DHX34: variants seen among roughly 807,000 people sequenced by gnomAD.
DHX34 encodes the protein DExH-box helicase 34, also known as probable ATP-dependent RNA helicase DHX34.
Under a neutral mutation model 111.1 loss-of-function variants are expected in DHX34, and 96 were observed. That is an observed-to-expected ratio of 0.86 (90% CI 0.73 to 1.02). The LOEUF (loss-of-function observed/expected upper bound fraction) is 1.02. DHX34 is among the 50% of genes least tolerant of loss of function. The probability of loss-of-function intolerance (pLI) is 0.00; values close to 1 mark genes in which losing one functional copy is unlikely to be tolerated. For missense variants in DHX34, 1,560 were observed against 1,579.9 expected, an observed-to-expected ratio of 0.99 and a Z score of 0.21; for synonymous variants, 688 against 670.4, an observed-to-expected ratio of 1.03 and a Z score of -0.41.
At chr19:47,360,158 C>T (rs1266417643) in intron 5 of DHX34, 88 bp downstream of exon 5, 8 of 1,273,670 alleles carry the variant, frequency 6.3e-6, no homozygotes, top group Non-Finnish European at 8.0e-6. Flanking sequence ...AGGGGCGCAC[C>T]AGCTTGGATT....
intron 7 of DHX34, among the ~76,000 whole-genome samples, chr19:47,371,509 G>A (rs1267561976): frequency 2.0e-5 from 3 of 152,232 alleles, no homozygotes; most frequent in Non-Finnish European, 4.4e-5. Context: ...TGGTGACAGA[G>A]CTGGGGTGTC....
In DHX34 at chr19:47,382,003, A is replaced by G; in HGVS notation, c.3322A>G (p.Thr1108Ala). The part of the protein sequence containing the change: ...PPGAEEAALE[T>A]LQKTSVLQRP... Reference sequence around the variant, plus strand: ...AGGGGCTGAGGAAGCTGCCCTCGAAACCCTCCAGAAGACATCTGTCCTGCA... The same window carrying G: ...AGGGGCTGAGGAAGCTGCCCTCGAAGCCCTCCAGAAGACATCTGTCCTGCA... Residue 1108 changes from threonine (T) to alanine (A), a missense_variant, in exon 17 of 17, where the codon ACC (threonine) becomes GCC (alanine). By Grantham distance (58) the Thr-to-Ala change is moderately conservative. Transcript: ENST00000328771. 6.2e-7 allele frequency: 1 copy of G among 1,613,744 alleles called. No individual in the cohort carries two copies. The highest frequency in any genetic ancestry group is 8.5e-7 in the Non-Finnish European group (1 of 1,179,920).
intron 1 of DHX34, among the ~76,000 whole-genome samples, chr19:47,351,080 T>C (rs945712804): frequency 3.3e-5 from 5 of 151,150 alleles, no homozygotes; most frequent in Non-Finnish European, 7.4e-5. Flanking sequence ...CCAAAAAAGA[T>C]AGATACCTTG....
intron 12 of DHX34, 81 bp downstream of exon 12, chr19:47,376,641 T>C: frequency 6.6e-7 from 1 of 1,509,462 alleles, no homozygotes; most frequent in East Asian, 2.5e-5. Flanking sequence ...CCCCTCTGGC[T>C]GGGGCTCCCA....
intron 8 of DHX34, 99 bp from the exon 9 acceptor site, chr19:47,373,500 C>T: frequency 1.3e-6 from 2 of 1,502,556 alleles, no homozygotes; most frequent in African/African-American, 1.4e-5. Context: ...AGCAGGTGTC[C>T]CTGAGGGATG....
rs188151824 is a variant in DHX34, at chr19:47,381,440, C to T, written c.3298+116C>T. The T allele has an allele frequency of 6.4e-6, 9 of 1,416,788 alleles. No individual in the cohort carries two copies. The Admixed American group carries it at 7.5e-5, about 12-fold the overall frequency. 87.8% of individuals were successfully genotyped at this position (1,416,788 alleles called of 1,614,324 possible). A position where few individuals can be genotyped will look rare whatever the true frequency, so the allele number is the denominator to read the frequency against. Reference sequence around the variant, plus strand: ...GCTTCGAGGACTGACGACCTCCACCCGCTGGCCCTGGCTGGTGCCACACAC... The same window carrying T: ...GCTTCGAGGACTGACGACCTCCACCTGCTGGCCCTGGCTGGTGCCACACAC... On this transcript the variant is annotated intron_variant, in intron 16 of 16. Transcript: ENST00000328771.
chr19:47,358,055 A>C lies in DHX34; in HGVS notation c.1207A>C (p.Ser403Arg). 1 of 1,613,286 alleles carries C rather than the reference A, an allele frequency of 6.2e-7. No homozygotes were observed. Among genetic ancestry groups the C allele is most frequent in the Non-Finnish European group, 8.5e-7 (1 of 1,179,944 alleles). Reference protein sequence around the residue: ...AVLEAAQTYASHTQRWVVLPL... With the variant: ...AVLEAAQTYARHTQRWVVLPL... ...GCTGGAGGCTGCCCAGACCTATGCCAGCCACACCCAGCGCTGGGTGGTACT... is the reference window on the plus strand; with the variant it reads ...GCTGGAGGCTGCCCAGACCTATGCCCGCCACACCCAGCGCTGGGTGGTACT... The change falls in exon 4 of 17, where the codon AGC becomes CGC. Residue 403 changes from serine (S) to arginine (R), a missense_variant. Transcript: ENST00000328771.
chr19:47,359,921 G>A (rs773640189), intron 4 of DHX34, 47 bp from the exon 5 acceptor site: 1 of 1,613,514 alleles, frequency 6.2e-7, no homozygotes, highest in South Asian at 1.1e-5. Context: ...ACATAGGTTA[G>A]TCGGGGCTGA....
In DHX34 at chr19:47,367,296, G is replaced by T. The variant is rs565808584; in HGVS notation, c.1768+141G>T. 6.2e-6 allele frequency: 6 copies of T among 968,734 alleles called. No homozygotes were observed. In the South Asian group the frequency reaches 1.7e-4, roughly 28 times the overall value. 60.0% of individuals were successfully genotyped at this position (968,734 alleles called of 1,614,324 possible). A position where few individuals can be genotyped will look rare whatever the true frequency, so the allele number is the denominator to read the frequency against. On this transcript the variant is annotated intron_variant, in intron 7 of 16. Transcript: ENST00000328771. Reference sequence around the variant, plus strand: ...TTCACTCTTCACTGGGCCAGGCACTGTTCTAGGTGCTGGGCATATAGCAGT... The same window carrying T: ...TTCACTCTTCACTGGGCCAGGCACTTTTCTAGGTGCTGGGCATATAGCAGT...
chr19:47,357,395 T>G (rs889331575), intron 3 of DHX34, among the ~76,000 whole-genome samples: 2 of 152,200 alleles, frequency 1.3e-5, no homozygotes, highest in Non-Finnish European at 2.9e-5. Flanking sequence ...ACTTTGTCTT[T>G]TTATTACATC....
rs1372120789 is a variant in DHX34 at position 47,353,676 on chromosome 19, G to A, written c.646G>A (p.Ala216Thr). Residue 216 changes from alanine (A) to threonine (T), a missense_variant, in exon 2 of 17, where the codon GCC (alanine) becomes ACC (threonine). Physicochemically the swap from Ala to Thr is moderately conservative, Grantham distance 58 (BLOSUM62 0). Transcript: ENST00000328771. The surrounding 1 kb of genome is among the most constrained non-coding windows in gnomAD (Gnocchi z 4.6). ...HVACTQPRRI[A>T]CISLAKRVGF... ...GGCGTGCACCCAGCCCCGGCGGATCGCCTGCATCTCACTGGCCAAGCGTGT... is the reference window on the plus strand; with the variant it reads ...GGCGTGCACCCAGCCCCGGCGGATCACCTGCATCTCACTGGCCAAGCGTGT... The A allele has an allele frequency of 3.1e-6, 5 of 1,611,762 alleles. No individual in the cohort carries two copies. The South Asian group carries it at 3.3e-5, about 11-fold the overall frequency.
At chr19:47,368,307 T>C (rs1969856765) in intron 7 of DHX34, among the ~76,000 whole-genome samples, 3 of 134,236 alleles carry the variant, frequency 2.2e-5, no homozygotes, top group Non-Finnish European at 1.6e-5. Flanking sequence ...CCTTTTTTTT[T>C]TTTTTTTTTT....
chr19:47,376,734 C>G, intron 12 of DHX34, 174 bp downstream of exon 12: 2 of 1,425,910 alleles, frequency 1.4e-6, no homozygotes, highest in Non-Finnish European at 1.9e-6. Flanking sequence ...TTGGGTGACT[C>G]ACCCCTGCTG....
Position 47,376,805 on chromosome 19 carries a change from G to A in DHX34, c.2599+245G>A, listed in dbSNP as rs992820793. 9.3e-6 allele frequency: 14 copies of A among 1,513,428 alleles called. No homozygotes were observed. The African/African-American group carries it at 1.9e-4, about 21-fold the overall frequency. The allele number at this position is 1,513,428 out of a possible 1,614,324, so 93.7% of individuals were successfully genotyped here. Reference sequence around the variant, plus strand: ...AAGCCAGTGTGGCTGTGCCCAGAGAGTGAGCACCGGTCAGGGGGCCTGTCC... The same window carrying A: ...AAGCCAGTGTGGCTGTGCCCAGAGAATGAGCACCGGTCAGGGGGCCTGTCC... On this transcript the variant is annotated intron_variant, in intron 12 of 16. Transcript: ENST00000328771.
At chr19:47,376,270 C>T in intron 11 of DHX34, 173 bp downstream of exon 11, 2 of 1,444,958 alleles carry the variant, frequency 1.4e-6, no homozygotes, top group Non-Finnish European at 1.8e-6. Flanking sequence ...GTGGGCAGGG[C>T]TTGGGGAGTC....
chr19:47,370,519 C>T (rs1969931815), intron 7 of DHX34, among the ~76,000 whole-genome samples: 1 of 152,198 alleles, frequency 6.6e-6, no homozygotes, highest in Non-Finnish European at 1.5e-5. Flanking sequence ...TTCCAGCAGC[C>T]TGAGGCCCAC....
At chr19:47,381,455 G>T in intron 16 of DHX34, 131 bp downstream of exon 16, 1 of 1,343,254 alleles carries the variant, frequency 7.4e-7, no homozygotes, top group South Asian at 1.5e-5. Flanking sequence ...GCCCTGGCTG[G>T]TGCCACACAC....
Position 47,382,027 on chromosome 19 carries a change from C to T in DHX34, c.3346C>T (p.Gln1116Ter). 4 of 1,614,152 alleles carry T rather than the reference C, an allele frequency of 2.5e-6. No homozygotes were observed. The highest frequency in any genetic ancestry group is 3.4e-6 in the Non-Finnish European group (4 of 1,180,012). ...LETLQKTSVL[Q>*]RPYHCEACGK... is the part of the protein sequence containing the mutation. Reference sequence around the variant, plus strand: ...AACCCTCCAGAAGACATCTGTCCTGCAGAGGCCCTACCACTGCGAGGCCTG... The same window carrying T: ...AACCCTCCAGAAGACATCTGTCCTGTAGAGGCCCTACCACTGCGAGGCCTG... The change falls in exon 17 of 17, where the codon CAG becomes TAG. Residue 1116 changes from glutamine (Q) to a stop codon, truncating the protein, a stop_gained. Transcript: ENST00000328771. LOFTEE classifies it high-confidence loss of function.
intron 6 of DHX34, 166 bp from the exon 7 acceptor site, chr19:47,366,814 TC>T (rs1969798888): frequency 1.0e-6 from 1 of 980,156 alleles, no homozygotes; most frequent in Non-Finnish European, 1.2e-6. Flanking sequence ...CCTCAAGTGA[TC>T]CGCTTGCCTT....
Sources: allele counts gnomAD v4.1 joint callset (sites outside exome capture counted in the v4.1 genomes callset), GRCh38; gene constraint gnomAD v4.1.1; non-coding constraint Gnocchi (gnomAD v3.1); transcripts MANE v1.5; gene names NCBI Gene and HGNC (gene_info 2026-07-23, HGNC 2026-07-21).